HEMK2: variants seen among roughly 807,000 people sequenced by gnomAD.
HEMK2 encodes HemK methyltransferase 2, ETF1 glutamine and histone H4 lysine.
chr21:28,607,803 T>A, the HEMK2 span, among the ~76,000 whole-genome samples: 2 of 152,158 alleles, frequency 1.3e-5, no homozygotes, highest in African/African-American at 4.8e-5. Flanking sequence ...AATAAAGGTT[T>A]AAATTAAGAT....
At chr21:28,744,855 A>G in the HEMK2 span, among the ~76,000 whole-genome samples, 3 of 152,222 alleles carry the variant, frequency 2.0e-5, no homozygotes, top group South Asian at 6.2e-4. Context: ...ACCATAAATT[A>G]AAAACAGTAA....
At chr21:28,673,510 A>G in the HEMK2 span, among the ~76,000 whole-genome samples, 526 of 126,074 alleles carry the variant, frequency 4.2e-3, 2 homozygotes, top group African/African-American at 0.016. Context: ...TGGTCATATG[A>G]ATATATGACT....
chr21:28,850,426 G>T, the HEMK2 span, among the ~76,000 whole-genome samples: 1 of 151,708 alleles, frequency 6.6e-6, no homozygotes, highest in African/African-American at 2.4e-5. Flanking sequence ...GGGTTTCACC[G>T]TGTTAGCCAG....
chr21:28,622,496 A>C, the HEMK2 span, among the ~76,000 whole-genome samples: 1 of 152,184 alleles, frequency 6.6e-6, no homozygotes, highest in Non-Finnish European at 1.5e-5. Context: ...TTTCATATGG[A>C]ACCAAAAAAG....
At chr21:28,592,936 C>A in the HEMK2 span, among the ~76,000 whole-genome samples, 1 of 152,122 alleles carries the variant, frequency 6.6e-6, no homozygotes, top group Non-Finnish European at 1.5e-5. Flanking sequence ...TATGGTGATG[C>A]CAAACAACCA....
the HEMK2 span, among the ~76,000 whole-genome samples, chr21:28,657,716 A>G: frequency 0.049 from 7,463 of 152,160 alleles, 252 homozygotes; most frequent in Non-Finnish European, 0.078. Context: ...ATCCATACTT[A>G]TGATATAATC....
chr21:28,838,972 A>AAAAAAAAAAAT, the HEMK2 span, among the ~76,000 whole-genome samples: 15 of 29,150 alleles, frequency 5.1e-4, no homozygotes, highest in Non-Finnish European at 6.8e-4. Flanking sequence ...AAAAAAAAAA[A>AAAAAAAAAAAT]ATATATATAT....
the HEMK2 span, among the ~76,000 whole-genome samples, chr21:28,588,767 A>C: frequency 6.6e-6 from 1 of 152,090 alleles, no homozygotes; most frequent in East Asian, 2.0e-4. Flanking sequence ...TCGGATCACA[A>C]GGTCAGGAGA....
chr21:28,877,072 GA>G, the HEMK2 span, among the ~76,000 whole-genome samples: 28 of 71,040 alleles, frequency 3.9e-4, 1 homozygote, highest in African/African-American at 5.8e-4. Context: ...AGGAGGGAGG[GA>G]AGGGAAGGGA....
the HEMK2 span, among the ~76,000 whole-genome samples, chr21:28,714,392 A>G: frequency 6.6e-6 from 1 of 152,206 alleles, no homozygotes; most frequent in African/African-American, 2.4e-5. Flanking sequence ...TTTTGCTCAA[A>G]ATATCACTAT....
the HEMK2 span, among the ~76,000 whole-genome samples, chr21:28,842,283 G>GTA: frequency 1.3e-5 from 2 of 152,038 alleles, no homozygotes; most frequent in Non-Finnish European, 2.9e-5. Flanking sequence ...TATATCACAT[G>GTA]TATAACTACA....
chr21:28,704,384 G>A, the HEMK2 span, among the ~76,000 whole-genome samples: 1 of 152,094 alleles, frequency 6.6e-6, no homozygotes, highest in Admixed American at 6.6e-5. Flanking sequence ...AAAACGCATG[G>A]CTGGTTAAAG....
the HEMK2 span, among the ~76,000 whole-genome samples, chr21:28,815,304 A>G: frequency 6.6e-6 from 1 of 151,950 alleles, no homozygotes; most frequent in African/African-American, 2.4e-5. Flanking sequence ...TGGGTGCAGC[A>G]CACTAACATG....
At chr21:28,784,568 C>T in the HEMK2 span, among the ~76,000 whole-genome samples, 1 of 151,076 alleles carries the variant, frequency 6.6e-6, no homozygotes, top group Non-Finnish European at 1.5e-5. Context: ...CACCAATCAG[C>T]ACCCTGTGTC....
the HEMK2 span, chr21:28,743,268 T>A: frequency 1.3e-5 from 2 of 152,138 alleles, no homozygotes; most frequent in African/African-American, 4.8e-5. Flanking sequence ...GACATGCACA[T>A]TCCTAAAAGT....
the HEMK2 span, among the ~76,000 whole-genome samples, chr21:28,884,425 G>A: frequency 1.3e-5 from 2 of 152,182 alleles, no homozygotes; most frequent in East Asian, 3.8e-4. Flanking sequence ...AAAGCTGTTT[G>A]TTCCATCCTG....
At chr21:28,622,599 C>A in the HEMK2 span, among the ~76,000 whole-genome samples, 1 of 152,086 alleles carries the variant, frequency 6.6e-6, no homozygotes, top group East Asian at 1.9e-4. Flanking sequence ...TCTACAGTAA[C>A]CAAAACAGCA....
chr21:28,764,722 T>C, the HEMK2 span, among the ~76,000 whole-genome samples: 1 of 152,054 alleles, frequency 6.6e-6, no homozygotes, highest in Non-Finnish European at 1.5e-5. Flanking sequence ...GCTGCAGCTG[T>C]CAGGAAAGAG....
chr21:28,831,465 A>AAGAAAGAG, the HEMK2 span, among the ~76,000 whole-genome samples: 18 of 21,924 alleles, frequency 8.2e-4, 1 homozygote, highest in South Asian at 1.5e-3. Context: ...AAAAGAACGA[A>AAGAAAGAG]AGAAAGAAAG....
Sources: gnomAD v4.1 joint callset for allele counts (sites outside exome capture counted in the v4.1 genomes callset) on GRCh38, gnomAD v4.1.1 for gene constraint, MANE v1.5 for transcripts, NCBI Gene and HGNC (gene_info 2026-07-23, HGNC 2026-07-21) for gene names.